The following WDPCP variants were observed in gnomAD, a reference collection of about 807,000 sequenced individuals.
WDPCP encodes the protein WD repeat containing planar cell polarity effector, also known as WD repeat-containing and planar cell polarity effector protein fritz homolog.
A neutral mutation model predicts 93.1 loss-of-function variants in WDPCP; 71 were observed. That is an observed-to-expected ratio of 0.76 (90% CI 0.63 to 0.93). The LOEUF is 0.93. Among genes scored for constraint, WDPCP ranks in the 40% least tolerant of loss-of-function variants. The pLI is 0.00. For missense variants in WDPCP, 844 were observed against 887.4 expected (o/e 0.95, Z 0.62); for synonymous variants, 315 against 315.0 (o/e 1.00, Z 0.00).
At chr2:63,219,351 G>C (rs1425809859) in intron 14 of WDPCP, among the ~76,000 whole-genome samples, 1 of 152,142 alleles carries the variant, frequency 6.6e-6, no homozygotes, top group Non-Finnish European at 1.5e-5. Context: ...CGGCCTGTCA[G>C]TCATGCCTCT....
chr2:63,533,509 T>C (rs1429485981), intron 1 of WDPCP, among the ~76,000 whole-genome samples: 1 of 152,038 alleles, frequency 6.6e-6, no homozygotes, highest in Non-Finnish European at 1.5e-5. Flanking sequence ...TAACAAACAG[T>C]CTCTCAGACC....
rs781026622 is a variant in WDPCP, at chr2:63,452,587, AACT to A, written c.385-12719_385-12717del. Among the ~76,000 whole-genome samples, 10 of 152,326 alleles carry A rather than the reference AACT, an allele frequency of 6.6e-5. No individual in the cohort carries two copies. In the East Asian group the frequency reaches 1.7e-3, roughly 26 times the overall value. On this transcript the variant is annotated intron_variant, in intron 6 of 17. Transcript: ENST00000272321. ...TGACTTTCTTCACAGAATTGGAAAA[AACT>A]ACTTTAAAGTTCATATGGAACCAAA... is the stretch of plus-strand genomic sequence containing the variant.
At chr2:63,248,533 A>C (rs1201352570) in intron 14 of WDPCP, among the ~76,000 whole-genome samples, 1 of 151,960 alleles carries the variant, frequency 6.6e-6, no homozygotes, top group African/African-American at 2.4e-5. Context: ...TTCTCTGTTC[A>C]ATGAGCATCT....
Position 63,350,261 on chromosome 2 carries a change from C to T in WDPCP, c.1748+28125G>A, listed in dbSNP as rs537266273. 8.5e-5 allele frequency among the ~76,000 whole-genome samples: 13 copies of T among 152,164 alleles called. No individual in the cohort carries two copies. The South Asian group carries it at 2.7e-3, about 32-fold the overall frequency. ...ACAATGGGAACACTTGGACACATGG[C>T]AGGGAACATCCCACACCGGGGCATG... On this transcript the variant is annotated intron_variant, in intron 12 of 17. Transcript: ENST00000272321.
At chr2:63,260,829 T>A (rs1166368152) in intron 13 of WDPCP, among the ~76,000 whole-genome samples, 1 of 152,200 alleles carries the variant, frequency 6.6e-6, no homozygotes, top group Non-Finnish European at 1.5e-5. Flanking sequence ...ATTACAGGCG[T>A]GAGCCACCAG....
chr2:63,320,141 AC>A (rs544499879), intron 12 of WDPCP, among the ~76,000 whole-genome samples: 99 of 152,308 alleles, frequency 6.5e-4, no homozygotes, highest in African/African-American at 2.3e-3. Context: ...ATTTAAAAAA[AC>A]AATAGCAGAA....
intron 2 of WDPCP, among the ~76,000 whole-genome samples, chr2:63,698,634 C>T (rs1354633428): frequency 2.0e-5 from 3 of 152,132 alleles, no homozygotes. Context: ...CAGAAGTAAG[C>T]AGGAAATTTC....
chr2:63,416,113 A>G (rs190737115), intron 9 of WDPCP, among the ~76,000 whole-genome samples: 31 of 152,334 alleles, frequency 2.0e-4, no homozygotes, highest in African/African-American at 7.5e-4. Context: ...AATACAAAAC[A>G]TTATTGCTAG....
At chr2:63,195,515 G>C (rs544085702) in intron 14 of WDPCP, among the ~76,000 whole-genome samples, 3 of 152,130 alleles carry the variant, frequency 2.0e-5, no homozygotes, top group Admixed American at 1.3e-4. Flanking sequence ...CCAGGCTGGA[G>C]TGCAGTGATC....
chr2:63,705,020 G>A (rs1012123136), intron 2 of WDPCP, among the ~76,000 whole-genome samples: 3 of 152,168 alleles, frequency 2.0e-5, no homozygotes, highest in African/African-American at 7.2e-5. Flanking sequence ...TCCTGGTTTA[G>A]TCTTGGGAGG....
intron 1 of WDPCP, among the ~76,000 whole-genome samples, chr2:63,506,987 G>A: frequency 6.6e-6 from 1 of 151,624 alleles, no homozygotes; most frequent in East Asian, 1.9e-4. Context: ...TACAGAGAAA[G>A]AGAGAGAGAG....
intron 2 of WDPCP, among the ~76,000 whole-genome samples, chr2:63,781,781 C>T (rs1170144584): frequency 1.3e-5 from 2 of 152,132 alleles, no homozygotes; most frequent in East Asian, 1.9e-4. Flanking sequence ...TGAATTATTA[C>T]AGCCATAGTT....
intron 2 of WDPCP, among the ~76,000 whole-genome samples, chr2:63,656,888 G>A (rs1270438921): frequency 6.6e-6 from 1 of 152,212 alleles, no homozygotes; most frequent in East Asian, 1.9e-4. Flanking sequence ...AGTCAGGAGA[G>A]CCTTTTACAA....
intron 14 of WDPCP, among the ~76,000 whole-genome samples, chr2:63,203,221 A>T (rs1676060559): frequency 6.6e-6 from 1 of 152,102 alleles, no homozygotes; most frequent in Admixed American, 6.6e-5. Flanking sequence ...AGAGTATATG[A>T]GATGTTCTGA....
Position 63,153,524 on chromosome 2 carries a change from A to G in WDPCP, c.2129T>C (p.Phe710Ser). ...NELEKDICSG[F>S]LMTNTCNAED... Reference sequence around the variant, plus strand: ...TGCATTACAGGTATTAGTCATCAAAAATCCAGAACAGATGTCTTTTTCAAG... The same window carrying G: ...TGCATTACAGGTATTAGTCATCAAAGATCCAGAACAGATGTCTTTTTCAAG... The change falls in exon 16 of 18, where the codon TTT (phenylalanine) becomes TCT (serine). Residue 710 changes from phenylalanine (F) to serine (S), a missense_variant. By Grantham distance (155) the Phe-to-Ser change is radical. Coordinates refer to ENST00000272321, the MANE Select transcript of WDPCP (RefSeq NM_015910.7). The G allele has an allele frequency of 6.2e-7, 1 of 1,612,694 alleles. No homozygotes were observed. Among genetic ancestry groups the G allele is most frequent in the Non-Finnish European group, 8.5e-7 (1 of 1,179,180 alleles).
intron 14 of WDPCP, chr2:63,233,691 A>T (rs1364544795): frequency 6.5e-6 from 1 of 153,498 alleles, no homozygotes; most frequent in East Asian, 1.9e-4. Flanking sequence ...AGAGGGCATT[A>T]TGAATCCCTG....
chr2:63,820,761 C>T (rs1192670112), intron 1 of WDPCP, among the ~76,000 whole-genome samples: 2 of 151,882 alleles, frequency 1.3e-5, no homozygotes, highest in Non-Finnish European at 2.9e-5. Context: ...GTTATCCATA[C>T]CAATATTATT....
intron 1 of WDPCP, among the ~76,000 whole-genome samples, chr2:63,554,450 G>A (rs964028565): frequency 1.3e-5 from 2 of 151,946 alleles, no homozygotes; most frequent in African/African-American, 2.4e-5. Context: ...TCAGGAGTTC[G>A]AGACCAGCCT....
At chr2:63,328,475 C>T (rs1038579897) in intron 12 of WDPCP, among the ~76,000 whole-genome samples, 2 of 152,170 alleles carry the variant, frequency 1.3e-5, no homozygotes. Context: ...GAACAAACAA[C>T]TCTGGACGTG....
Sources: allele counts gnomAD v4.1 joint callset (sites outside exome capture counted in the v4.1 genomes callset), GRCh38; gene constraint gnomAD v4.1.1; transcripts MANE v1.5; gene names NCBI Gene and HGNC (gene_info 2026-07-23, HGNC 2026-07-21).